PANK4: variants seen among roughly 807,000 people sequenced by gnomAD.
The protein encoded by PANK4 is 4'-phosphopantetheine phosphatase.
PANK4 carries 40 observed loss-of-function variants against 87.9 expected under a neutral mutation model. The ratio of observed to expected loss-of-function variants is 0.46; its 90% CI spans 0.35 to 0.59. The LOEUF is 0.59. PANK4 is among the 20% of genes least tolerant of loss of function. The probability of loss-of-function intolerance (pLI) is 0.00; values close to 1 mark genes in which losing one functional copy is unlikely to be tolerated. For missense variants in PANK4, 926 were observed against 1,072.3 expected (o/e 0.86, Z 1.90); for synonymous variants, 524 against 467.4 (o/e 1.12, Z -1.56).
At chr1:2,514,492 A>G (rs768496900) in intron 10 of PANK4, 26 bp from the exon 11 acceptor site, 4 of 1,434,868 alleles carry the variant, frequency 2.8e-6, no homozygotes, top group Non-Finnish European at 3.8e-6. Flanking sequence ...GGAGGGGGTT[A>G]GTCAAGCGCT....
At chr1:2,518,376 T>C (rs948677958) in intron 8 of PANK4, 112 bp from the exon 9 acceptor site, 2 of 957,966 alleles carry the variant, frequency 2.1e-6, no homozygotes, top group African/African-American at 3.2e-5. Context: ...GTTAAAATGT[T>C]AGACATGCCT....
Position 2,510,382 on chromosome 1 carries a change from G to A in PANK4, c.1939-225C>T. 1.7e-6 allele frequency: 1 copy of A among 573,706 alleles called. No homozygotes were observed. Among genetic ancestry groups the A allele is most frequent in the Non-Finnish European group, 3.0e-6 (1 of 330,854 alleles). The allele number at this position is 573,706 out of a possible 1,614,324, so 35.5% of individuals were successfully genotyped here. On this transcript the variant is annotated intron_variant, in intron 16 of 18. Transcript: ENST00000378466. The surrounding 1 kb of genome is among the most constrained non-coding windows in gnomAD (Gnocchi z 4.9). ...AGAGCTGAGTTTAGAGCCTGCCCCT[G>A]GGACCTGCCTGTCTGTGAAGTCACA...
At position 2,520,176 on chromosome 1, in the gene PANK4, T is replaced by A. The variant is rs1643863070; in HGVS notation, c.699+146A>T. The A allele has an allele frequency of 6.2e-6, 5 of 809,392 alleles. No homozygotes were observed. In the Admixed American group the frequency reaches 1.2e-4, roughly 19 times the overall value. 50.1% of individuals were successfully genotyped at this position (809,392 alleles called of 1,614,324 possible). On this transcript the variant is annotated intron_variant, in intron 5 of 18. Coordinates refer to ENST00000378466, the MANE Select transcript of PANK4 (RefSeq NM_018216.4). This position sits in a 1 kb window ranked among gnomAD's most constrained non-coding sequence, Gnocchi z 6.2. Reference sequence around the variant, plus strand: ...CACCCAACCCTCAGGGCGCAAAGAGTGAAGCCGCAGAGGCCAGAGACCCAC... The same window carrying A: ...CACCCAACCCTCAGGGCGCAAAGAGAGAAGCCGCAGAGGCCAGAGACCCAC...
In PANK4 at chr1:2,511,448, G is replaced by A. The variant is rs746343457; in HGVS notation, c.1784-61C>T. ...GCTCCAGGTCAGGGGTCAGGGAGAC[G>A]CGTCTTCAGGTGTTCGTCTCTCCAG... On this transcript the variant is annotated intron_variant, in intron 14 of 18. Transcript: ENST00000378466. 4.2e-5 allele frequency: 55 copies of A among 1,298,176 alleles called. 1 individual carries two copies. Among genetic ancestry groups the A allele is most frequent in the Middle Eastern group, 3.7e-4 (2 of 5,450 alleles). 80.4% of individuals were successfully genotyped at this position (1,298,176 alleles called of 1,614,324 possible). A position where few individuals can be genotyped will look rare whatever the true frequency, so the allele number is the denominator to read the frequency against.
rs3831090 is a variant in PANK4 at position 2,508,612 on chromosome 1, TTATATA to T, written c.*229_*234del. 1 of 230,598 alleles carries T rather than the reference TTATATA, an allele frequency of 4.3e-6. No homozygotes were observed. The highest frequency in any genetic ancestry group is 7.9e-6 in the Non-Finnish European group (1 of 126,194). The allele number at this position is 230,598 out of a possible 1,614,324, so 14.3% of individuals were successfully genotyped here. A position where few individuals can be genotyped will look rare whatever the true frequency, so the allele number is the denominator to read the frequency against. On this transcript the variant is annotated 3_prime_UTR_variant, in exon 19 of 19. Coordinates refer to ENST00000378466, the MANE Select transcript of PANK4 (RefSeq NM_018216.4). The surrounding 1 kb of genome is among the most constrained non-coding windows in gnomAD (Gnocchi z 5.1). ...GACATACCTGTATAGATCTCTCTAT[TTATATA>T]TATATATATATAAAAGGTTCTTTAG... is the stretch of plus-strand genomic sequence containing the variant.
In PANK4 at chr1:2,509,152, C is replaced by T; in HGVS notation, c.2109-92G>A. Reference sequence around the variant, plus strand: ...GGCGACCAACGTGAAGGCTGAAACCCCTACCGCTCAATTCCCTGATGTGGA... The same window carrying T: ...GGCGACCAACGTGAAGGCTGAAACCTCTACCGCTCAATTCCCTGATGTGGA... On this transcript the variant is annotated intron_variant, in intron 18 of 18. Transcript: ENST00000378466. The surrounding 1 kb of genome is among the most constrained non-coding windows in gnomAD (Gnocchi z 4.9). The T allele has an allele frequency of 1.0e-6, 1 of 981,510 alleles. No individual in the cohort carries two copies. The highest frequency in any genetic ancestry group is 3.2e-4 in the Middle Eastern group (1 of 3,084). 60.8% of individuals were successfully genotyped at this position (981,510 alleles called of 1,614,324 possible). A position where few individuals can be genotyped will look rare whatever the true frequency, so the allele number is the denominator to read the frequency against.
chr1:2,518,104 AG>A (rs1643815561), intron 9 of PANK4, 59 bp downstream of exon 9: 4 of 1,018,662 alleles, frequency 3.9e-6, no homozygotes. Flanking sequence ...GGGACAGGCG[AG>A]GTGAGTGCGG....
rs1643837715 is a variant in PANK4, at chr1:2,519,087, T to G, written c.1035+56A>C. On this transcript the variant is annotated intron_variant, in intron 7 of 18. Transcript: ENST00000378466. The surrounding 1 kb of genome is among the most constrained non-coding windows in gnomAD (Gnocchi z 8.3). ...GCGGTGTCTAACCAGCATGACTGAT[T>G]GGGAAGATCCTGGGGGGTCTGCGTT... is the stretch of plus-strand genomic sequence containing the variant. The G allele has an allele frequency of 1.3e-6, 2 of 1,517,576 alleles. No homozygotes were observed. Among genetic ancestry groups the G allele is most frequent in the South Asian group, 2.4e-5 (2 of 83,912 alleles). 94.0% of individuals were successfully genotyped at this position (1,517,576 alleles called of 1,614,324 possible).
Position 2,510,018 on chromosome 1 carries a change from C to T in PANK4, c.2039+39G>A. ...CCACTCTGCCCAGCTGGTGCCCCTC[C>T]CCATCAAGGCCCCCCCAGCACTGCC... On this transcript the variant is annotated intron_variant, in intron 17 of 18. Transcript: ENST00000378466. This position sits in a 1 kb window ranked among gnomAD's most constrained non-coding sequence, Gnocchi z 4.9. 3.8e-6 allele frequency: 6 copies of T among 1,573,598 alleles called. No homozygotes were observed. Among genetic ancestry groups the T allele is most frequent in the Non-Finnish European group, 5.2e-6 (6 of 1,151,034 alleles).
At chr1:2,524,940 G>A (rs1333128843) in intron 1 of PANK4, among the ~76,000 whole-genome samples, 2 of 152,126 alleles carry the variant, frequency 1.3e-5, no homozygotes, top group African/African-American at 4.8e-5. Context: ...AGCACCTGCA[G>A]CCCAATAACC....
rs916226389 is a variant in PANK4, at chr1:2,510,615, G to A, written c.1938+63C>T. 25 of 1,004,220 alleles carry A rather than the reference G, an allele frequency of 2.5e-5. No homozygotes were observed. The highest frequency in any genetic ancestry group is 3.3e-5 in the African/African-American group (2 of 61,154). The allele number at this position is 1,004,220 out of a possible 1,614,324, so 62.2% of individuals were successfully genotyped here. On this transcript the variant is annotated intron_variant, in intron 16 of 18. Transcript: ENST00000378466. The surrounding 1 kb of genome is among the most constrained non-coding windows in gnomAD (Gnocchi z 4.9). The stretch of plus-strand genomic sequence containing the variant: ...ACCACCGCCAGAGGCCCACAGCGGC[G>A]CCAACCCCACCGAGAGCAGAGAAGC...
chr1:2,521,537 G>C (rs779183246), intron 2 of PANK4, 181 bp downstream of exon 2: 140 of 716,034 alleles, frequency 2.0e-4, no homozygotes, highest in Non-Finnish European at 3.1e-4. Flanking sequence ...GCGGGCGCAG[G>C]TTCCTACAAA....
Position 2,510,488 on chromosome 1 carries a change from GAGCCCAGGGGGC to G in PANK4, c.1938+178_1938+189del, listed in dbSNP as rs1471255523. 3.8e-5 allele frequency: 23 copies of G among 608,670 alleles called. No individual in the cohort carries two copies. Among genetic ancestry groups the G allele is most frequent in the Non-Finnish European group, 8.8e-6 (3 of 342,442 alleles). The allele number at this position is 608,670 out of a possible 1,614,324, so 37.7% of individuals were successfully genotyped here. A position where few individuals can be genotyped will look rare whatever the true frequency, so the allele number is the denominator to read the frequency against. ...GCTTCAGCACATGGACCCTCAGCCT[GAGCCCAGGGGGC>G]TCGGAGCCTCCACCCCAGCAGATGA... On this transcript the variant is annotated intron_variant, in intron 16 of 18. Coordinates refer to ENST00000378466, the MANE Select transcript of PANK4 (RefSeq NM_018216.4). The surrounding 1 kb of genome is among the most constrained non-coding windows in gnomAD (Gnocchi z 4.9).
intron 9 of PANK4, among the ~76,000 whole-genome samples, chr1:2,517,057 A>G (rs1158287801): frequency 6.6e-6 from 1 of 152,210 alleles, no homozygotes; most frequent in Non-Finnish European, 1.5e-5. Context: ...TCCAGGTTAC[A>G]GTCCAGGACA....
chr1:2,518,160 TCA>T lies in PANK4; in HGVS notation c.1218+2_1218+3del. ...GCCCGGGGCGGCCAGAGCCCACTACTCACAGTGCCACTCCGCGCCCGCTGCGC... is the reference window on the plus strand; with the variant it reads ...GCCCGGGGCGGCCAGAGCCCACTACTCAGTGCCACTCCGCGCCCGCTGCGC... On this transcript the variant is annotated splice_donor_variant and splice_donor_region_variant and intron_variant, in intron 9 of 18. Transcript: ENST00000378466. LOFTEE classifies it high-confidence loss of function. The T allele has an allele frequency of 6.3e-7, 1 of 1,593,502 alleles. No individual in the cohort carries two copies. Among genetic ancestry groups the T allele is most frequent in the Non-Finnish European group, 8.5e-7 (1 of 1,171,088 alleles).
Position 2,526,552 on chromosome 1 carries a change from G to A in PANK4, c.36C>T (p.Ser12=), listed in dbSNP as rs759259858. Residue 12 remains serine (S), a synonymous_variant, in exon 1 of 19, where the codon AGC becomes AGT. Coordinates refer to ENST00000378466, the MANE Select transcript of PANK4 (RefSeq NM_018216.4). ...AECGASGSGS[S]GDSLDKSITL... ...TGATGCTCTTGTCCAGACTGTCCCCGCTGCTCCCGCTGCCGCTCGCTCCAC... is the reference window on the plus strand; with the variant it reads ...TGATGCTCTTGTCCAGACTGTCCCCACTGCTCCCGCTGCCGCTCGCTCCAC... 1.2e-6 allele frequency: 2 copies of A among 1,602,138 alleles called. No homozygotes were observed. Among genetic ancestry groups the A allele is most frequent in the South Asian group, 2.2e-5 (2 of 89,930 alleles).
rs910607255 is a variant in PANK4, at chr1:2,521,706, G to A, written c.207+12C>T. The A allele has an allele frequency of 6.2e-7, 1 of 1,610,220 alleles. No individual in the cohort carries two copies. The highest frequency in any genetic ancestry group is 8.5e-7 in the Non-Finnish European group (1 of 1,176,678). ...GGCTGCCCTGCCCCGGGTGGCCACA[G>A]TGCAGGCTCACCTTTCCGGAGTGGT... On this transcript the variant is annotated intron_variant, in intron 2 of 18. Transcript: ENST00000378466.
At chr1:2,512,850 C>G in intron 13 of PANK4, 38 bp downstream of exon 13, 1 of 1,607,104 alleles carries the variant, frequency 6.2e-7, no homozygotes, top group Non-Finnish European at 8.5e-7. Context: ...CAGGCACCCA[C>G]AGGCTGCAGA....
At position 2,509,836 on chromosome 1, in the gene PANK4, A is replaced by C. The variant is rs770759116; in HGVS notation, c.2108+26T>G. 4.2e-5 allele frequency: 68 copies of C among 1,602,012 alleles called. No homozygotes were observed. The highest frequency in any genetic ancestry group is 5.6e-5 in the Non-Finnish European group (66 of 1,172,308). ...AGAGGGCACAGAGCCCAGGAGGGAGAGAACAGGTGCAGGGTGCGGGGTTAC... is the reference window on the plus strand; with the variant it reads ...AGAGGGCACAGAGCCCAGGAGGGAGCGAACAGGTGCAGGGTGCGGGGTTAC... On this transcript the variant is annotated intron_variant, in intron 18 of 18. Coordinates refer to ENST00000378466, the MANE Select transcript of PANK4 (RefSeq NM_018216.4). The surrounding 1 kb of genome is among the most constrained non-coding windows in gnomAD (Gnocchi z 4.9).
Sources: gnomAD v4.1 joint callset for allele counts (sites outside exome capture counted in the v4.1 genomes callset) on GRCh38, gnomAD v4.1.1 for gene constraint, Gnocchi (gnomAD v3.1) non-coding constraint, MANE v1.5 for transcripts, NCBI Gene and HGNC (gene_info 2026-07-23, HGNC 2026-07-21) for gene names.